Variants in PCDHGA7 observed in about 807,000 individuals in gnomAD.
PCDHGA7 encodes the protein protocadherin gamma subfamily A, 7, also known as protocadherin gamma-A7.
A neutral mutation model predicts 58.3 loss-of-function variants in PCDHGA7; 44 were observed. That is an observed-to-expected ratio of 0.75 (90% confidence interval 0.59 to 0.97). The LOEUF is 0.97. Among genes scored for constraint, PCDHGA7 ranks in the 50% least tolerant of loss-of-function variants. The pLI, the probability that PCDHGA7 is intolerant of heterozygous loss-of-function variation, is 0.00. For missense variants in PCDHGA7, 1,266 were observed against 1,188.7 expected, an observed-to-expected ratio of 1.06 and a Z score of -0.96; for synonymous variants, 516 against 504.2, an observed-to-expected ratio of 1.02 and a Z score of -0.31.
At chr5:141,393,243 G>A in intron 1 of PCDHGA7, 4 of 1,613,784 alleles carry the variant, frequency 2.5e-6, no homozygotes, top group Non-Finnish European at 3.4e-6. Flanking sequence ...AAAAATTAAC[G>A]AAATCGCGGT....
chr5:141,438,682 A>G (rs1282726848), intron 1 of PCDHGA7, among the ~76,000 whole-genome samples: 13 of 140,730 alleles, frequency 9.2e-5, no homozygotes, highest in Admixed American at 6.6e-4. Flanking sequence ...GGAGTAGGGG[A>G]TGGAGTCTTG....
rs911954966 is a variant in PCDHGA7, at chr5:141,491,081, C to G, written c.2425-3726C>G. On this transcript the variant is annotated intron_variant, in intron 1 of 3. Coordinates refer to ENST00000518325, the MANE Select transcript of PCDHGA7 (RefSeq NM_018920.4). This position sits in a 1 kb window ranked among gnomAD's most constrained non-coding sequence, Gnocchi z 6.9. ...TCCTACTCACTGTTGCCACAGTCCACAGCCCCAGGACTGTTCCTCGTGTCT... is the reference window on the plus strand; with the variant it reads ...TCCTACTCACTGTTGCCACAGTCCAGAGCCCCAGGACTGTTCCTCGTGTCT... The G allele has an allele frequency of 4.3e-6, 7 of 1,614,176 alleles. No individual in the cohort carries two copies. Among genetic ancestry groups the G allele is most frequent in the Non-Finnish European group, 5.9e-6 (7 of 1,180,010 alleles).
intron 1 of PCDHGA7, chr5:141,418,346 A>G (rs780933957): frequency 1.7e-5 from 27 of 1,614,022 alleles, no homozygotes; most frequent in South Asian, 2.2e-5. Flanking sequence ...TCCTGATATT[A>G]GTATGAATTC....
At chr5:141,478,098 C>T (rs779493391) in intron 1 of PCDHGA7, 1 of 1,614,142 alleles carries the variant, frequency 6.2e-7, no homozygotes, top group South Asian at 1.1e-5. Flanking sequence ...ACCACTGCTA[C>T]CCTCACTGTG....
intron 1 of PCDHGA7, chr5:141,388,545 C>T (rs1293366202): frequency 6.2e-7 from 1 of 1,613,680 alleles, no homozygotes; most frequent in Non-Finnish European, 8.5e-7. Flanking sequence ...TGGAGCTCCA[C>T]CCCTAAGCAG....
At chr5:141,457,108 T>C (rs186630889) in intron 1 of PCDHGA7, among the ~76,000 whole-genome samples, 40 of 152,338 alleles carry the variant, frequency 2.6e-4, no homozygotes, top group African/African-American at 9.1e-4. Flanking sequence ...TTAAGCAAAA[T>C]ACGACAGCAA....
chr5:141,489,546 C>T lies in PCDHGA7; in HGVS notation c.2425-5261C>T, dbSNP rs1404605129. ...GCCTATGTGGAGCCAGCACCAGCTGCCTGCTGCCAGTGCAGGTGGTGACTG... is the reference window on the plus strand; with the variant it reads ...GCCTATGTGGAGCCAGCACCAGCTGTCTGCTGCCAGTGCAGGTGGTGACTG... On this transcript the variant is annotated intron_variant, in intron 1 of 3. Coordinates refer to ENST00000518325, the MANE Select transcript of PCDHGA7 (RefSeq NM_018920.4). The surrounding 1 kb of genome is among the most constrained non-coding windows in gnomAD (Gnocchi z 4.5). 2 of 1,614,076 alleles carry T rather than the reference C, an allele frequency of 1.2e-6. No homozygotes were observed. The highest frequency in any genetic ancestry group is 2.2e-5 in the East Asian group (1 of 44,868).
chr5:141,507,736 G>A (rs1562231670), intron 3 of PCDHGA7, among the ~76,000 whole-genome samples: 1 of 152,240 alleles, frequency 6.6e-6, no homozygotes. Flanking sequence ...CATGCAGCTC[G>A]TTCCCCTGTC....
At chr5:141,403,188 C>G (rs763950254) in intron 1 of PCDHGA7, 6 of 1,613,968 alleles carry the variant, frequency 3.7e-6, no homozygotes, top group Non-Finnish European at 4.2e-6. Context: ...TCTCTGAACC[C>G]GCGCAGCGGC....
At chr5:141,394,686 G>A in intron 1 of PCDHGA7, 4 of 1,612,316 alleles carry the variant, frequency 2.5e-6, no homozygotes, top group Non-Finnish European at 3.4e-6. Context: ...GCACACGGGC[G>A]AGGTGCGCAC....
chr5:141,469,565 C>T (rs1410607165), intron 1 of PCDHGA7, among the ~76,000 whole-genome samples: 1 of 152,082 alleles, frequency 6.6e-6, no homozygotes, highest in East Asian at 1.9e-4. Context: ...CAGAGTGAGA[C>T]TCTGTCTCTA....
intron 1 of PCDHGA7, chr5:141,413,055 C>G: frequency 9.8e-7 from 1 of 1,019,544 alleles, no homozygotes; most frequent in Non-Finnish European, 1.4e-6. Flanking sequence ...GGGAAGCTCA[C>G]TCCAGAATTT....
intron 1 of PCDHGA7, among the ~76,000 whole-genome samples, chr5:141,443,210 G>A (rs142248407): frequency 3.2e-4 from 49 of 151,888 alleles, no homozygotes; most frequent in African/African-American, 9.4e-4. Context: ...AGCTTGTCTC[G>A]CCAGGCGCAT....
At chr5:141,441,073 G>A (rs1591647632) in intron 1 of PCDHGA7, 1 of 152,152 alleles carries the variant, frequency 6.6e-6, no homozygotes, top group Non-Finnish European at 1.5e-5. Flanking sequence ...AATTTCCATG[G>A]TTTTGGTAGC....
chr5:141,418,578 CAGTGTT>C, intron 1 of PCDHGA7: 1 of 1,614,040 alleles, frequency 6.2e-7, no homozygotes, highest in African/African-American at 1.3e-5. Flanking sequence ...GACAACCCCC[CAGTGTT>C]CAGCCAGGAC....
intron 2 of PCDHGA7, among the ~76,000 whole-genome samples, chr5:141,498,956 AGAGG>A (rs1198207839): frequency 1.1e-4 from 14 of 124,162 alleles, no homozygotes; most frequent in East Asian, 2.7e-4. Context: ...AAAAAGAGAG[AGAGG>A]GAGGGAGGGA....
intron 1 of PCDHGA7, among the ~76,000 whole-genome samples, chr5:141,402,439 G>C (rs1278186410): frequency 6.6e-6 from 1 of 151,914 alleles, no homozygotes; most frequent in East Asian, 1.9e-4. Context: ...TCATAAAAAG[G>C]AAATTATAAT....
intron 1 of PCDHGA7, among the ~76,000 whole-genome samples, chr5:141,402,771 G>A (rs2094306356): frequency 6.6e-6 from 1 of 152,218 alleles, no homozygotes; most frequent in African/African-American, 2.4e-5. Context: ...ACTCCATCCG[G>A]ATTTCCAGTT....
At chr5:141,446,069 C>T (rs552817495) in intron 1 of PCDHGA7, among the ~76,000 whole-genome samples, 1 of 152,102 alleles carries the variant, frequency 6.6e-6, no homozygotes, top group South Asian at 2.1e-4. Flanking sequence ...AAAGGGGAGG[C>T]AGTGGATGTA....
Sources: allele counts gnomAD v4.1 joint callset (sites outside exome capture counted in the v4.1 genomes callset), GRCh38; gene constraint gnomAD v4.1.1; non-coding constraint Gnocchi (gnomAD v3.1); transcripts MANE v1.5; gene names NCBI Gene and HGNC (gene_info 2026-07-23, HGNC 2026-07-21).